The following POLR1C variants were observed in gnomAD, a reference collection of about 807,000 sequenced individuals.
The protein encoded by POLR1C is DNA-directed RNA polymerases I and III subunit RPAC1.
A neutral mutation model predicts 38.3 loss-of-function variants in POLR1C; 42 were observed. The ratio of observed to expected loss-of-function variants is 1.10; its 90% confidence interval spans 0.86 to 1.42. The LOEUF is 1.42. Among genes scored for constraint, POLR1C ranks in the 40% most tolerant of loss-of-function variants. The probability of loss-of-function intolerance (pLI) is 0.00; values close to 1 mark genes in which losing one functional copy is unlikely to be tolerated. For synonymous variants in POLR1C, 163 were observed against 163.9 expected (o/e 0.99, Z 0.04); for missense variants, 507 against 450.5 (o/e 1.13, Z -1.14).
chr6:43,562,275 G>A lies in POLR1C; in HGVS notation c.*924G>A, dbSNP rs373915842. On this transcript the variant is annotated 3_prime_UTR_variant, in exon 11 of 11. Transcript: ENST00000607635. ...CAATGCACACAGCTGATTGCCCAGCGCACACAACACCTGACAGAGCCTCTT... is the reference window on the plus strand; with the variant it reads ...CAATGCACACAGCTGATTGCCCAGCACACACAACACCTGACAGAGCCTCTT... 1.9e-5 allele frequency: 30 copies of A among 1,608,018 alleles called. No homozygotes were observed. Among genetic ancestry groups the A allele is most frequent in the Non-Finnish European group, 2.2e-5 (26 of 1,177,546 alleles).
At chr6:43,562,218 A>G (rs921639117) in exon 11 of POLR1C, 1 of 1,567,684 alleles carries the variant, frequency 6.4e-7, no homozygotes, top group Admixed American at 1.8e-5. Flanking sequence ...ATGGGCTTGA[A>G]GCTCTCCAGA....
At chr6:43,538,139 CTTTTTTTTTTTTTTTTT>C in intron 9 of POLR1C, among the ~76,000 whole-genome samples, 1 of 48,920 alleles carries the variant, frequency 2.0e-5, no homozygotes, top group Non-Finnish European at 3.4e-5. Context: ...TAAGAGACAT[CTTTTTTTTTTTTTTTTT>C]TTTTTTTTTT....
chr6:43,543,714 C>G (rs573585373), intron 9 of POLR1C, among the ~76,000 whole-genome samples: 54 of 151,654 alleles, frequency 3.6e-4, no homozygotes, highest in African/African-American at 1.2e-3. Context: ...CCCTGTTGCC[C>G]AGGGACAGGG....
At chr6:43,562,367 A>G (rs1450947340) in exon 11 of POLR1C, 9 of 1,549,050 alleles carry the variant, frequency 5.8e-6, no homozygotes, top group African/African-American at 4.1e-5. Context: ...AGAATTCCTT[A>G]TATCACCAAC....
At chr6:43,520,884 G>C in intron 7 of POLR1C, 48 bp from the exon 8 acceptor site, 1 of 1,605,842 alleles carries the variant, frequency 6.2e-7, no homozygotes, top group Non-Finnish European at 8.5e-7. Context: ...TTGCTACCAA[G>C]TGGCAAATTA....
chr6:43,555,958 C>A (rs1451668995), intron 10 of POLR1C: 1 of 1,613,390 alleles, frequency 6.2e-7, no homozygotes, highest in Non-Finnish European at 8.5e-7. Flanking sequence ...TTGTTGTGCT[C>A]GGGAGGCTGC....
intron 9 of POLR1C, among the ~76,000 whole-genome samples, chr6:43,540,029 C>T (rs534579881): frequency 6.6e-5 from 10 of 152,302 alleles, no homozygotes; most frequent in East Asian, 1.9e-4. Context: ...CCAAGATGGG[C>T]GGATCACCTG....
chr6:43,560,840 G>T, intron 10 of POLR1C: 1 of 1,125,184 alleles, frequency 8.9e-7, no homozygotes, highest in Non-Finnish European at 1.4e-6. Flanking sequence ...TTTTATACAT[G>T]ATCTACAATA....
intron 8 of POLR1C, chr6:43,528,722 C>T: frequency 9.2e-7 from 1 of 1,082,266 alleles, no homozygotes; most frequent in Non-Finnish European, 1.4e-6. Flanking sequence ...GCCAGTCTGG[C>T]AGGGCTAGTA....
At chr6:43,552,174 C>T (rs780323351) in intron 10 of POLR1C, among the ~76,000 whole-genome samples, 4 of 152,114 alleles carry the variant, frequency 2.6e-5, no homozygotes, top group Non-Finnish European at 4.4e-5. Flanking sequence ...TCTCCTGCCT[C>T]AGCCTCCTGA....
chr6:43,553,139 A>G (rs547235205), intron 10 of POLR1C, among the ~76,000 whole-genome samples: 11 of 152,102 alleles, frequency 7.2e-5, no homozygotes, highest in African/African-American at 2.2e-4. Context: ...CACAGACTCC[A>G]TTTTTATTAT....
downstream of POLR1C, chr6:43,533,950 G>A (rs1238670335): frequency 6.2e-7 from 1 of 1,607,560 alleles, no homozygotes; most frequent in South Asian, 1.1e-5. Context: ...CCAGAGCCTT[G>A]GTGAAAGGCT....
intron 8 of POLR1C, among the ~76,000 whole-genome samples, chr6:43,528,473 A>G (rs937377659): frequency 2.0e-5 from 3 of 152,176 alleles, no homozygotes; most frequent in Admixed American, 2.0e-4. Context: ...GTCTCTAGAC[A>G]TACCTGTTCT....
At chr6:43,528,724 GGGCTAGTAGACAA>G in intron 8 of POLR1C, 2 of 1,096,010 alleles carry the variant, frequency 1.8e-6, no homozygotes, top group African/African-American at 3.1e-5. Context: ...CAGTCTGGCA[GGGCTAGTAGACAA>G]CACTTCTAGG....
chr6:43,533,734 C>G, downstream of POLR1C: 1 of 385,894 alleles, frequency 2.6e-6, no homozygotes, highest in Admixed American at 3.8e-5. Context: ...ACTCGGGAGG[C>G]TGAGGCAGGA....
downstream of POLR1C, chr6:43,523,581 T>C: frequency 1.7e-6 from 1 of 600,356 alleles, no homozygotes; most frequent in East Asian, 3.7e-5. Context: ...GGAGAAGGGC[T>C]GCTCTGCTCT....
Position 43,521,043 on chromosome 6 carries a change from A to T in POLR1C, c.917A>T (p.Tyr306Phe), listed in dbSNP as rs137871425. ...AGGCTTGCCCGGGTTCGAGATCATT[A>T]TATCTGTGAGTATGAAGTGGTGAGA... ...VVRLARVRDHYIFSVESTGVL... is the reference protein window; with the variant it reads ...VVRLARVRDHFIFSVESTGVL... The change falls in exon 8 of 9, where the codon TAT becomes TTT. Residue 306 changes from tyrosine to phenylalanine, a missense_variant. Transcript: ENST00000642195. 3 of 1,612,808 alleles carry T rather than the reference A, an allele frequency of 1.9e-6. No individual in the cohort carries two copies. The highest frequency in any genetic ancestry group is 3.3e-5 in the Admixed American group (2 of 60,004).
chr6:43,542,636 G>A (rs1367392815), intron 9 of POLR1C, among the ~76,000 whole-genome samples: 8 of 152,038 alleles, frequency 5.3e-5, no homozygotes, highest in African/African-American at 1.4e-4. Context: ...ATGTTGGCCA[G>A]GCTGGTCTCA....
At chr6:43,538,763 A>C (rs1794506123) in intron 9 of POLR1C, 2 of 620,740 alleles carry the variant, frequency 3.2e-6, no homozygotes. Flanking sequence ...ATGGAGCACT[A>C]CATTTTTCTT....
Sources: gnomAD v4.1 joint callset for allele counts (sites outside exome capture counted in the v4.1 genomes callset) on GRCh38, gnomAD v4.1.1 for gene constraint, MANE v1.5 for transcripts, NCBI Gene and HGNC (gene_info 2026-07-23, HGNC 2026-07-21) for gene names.